The following MEOX2 variants were observed in gnomAD, a reference collection of about 807,000 sequenced individuals.
MEOX2 encodes the protein mesenchyme homeobox 2, also known as homeobox protein MOX-2.
MEOX2 carries 11 observed loss-of-function variants against 27.0 expected under a neutral mutation model. That is an observed-to-expected ratio of 0.41 (90% CI 0.26 to 0.68). The LOEUF (loss-of-function observed/expected upper bound fraction) is 0.68, where lower values mean the gene tolerates loss of function less well. MEOX2 is among the 30% of genes least tolerant of loss of function. MEOX2 has a pLI of 0.33. For synonymous variants in MEOX2, 189 were observed against 155.4 expected, an observed-to-expected ratio of 1.22 and a Z score of -1.61; for missense variants, 436 against 385.4, an observed-to-expected ratio of 1.13 and a Z score of -1.10.
At chr7:15,653,884 C>T (rs1263412228) in intron 1 of MEOX2, among the ~76,000 whole-genome samples, 1 of 151,936 alleles carries the variant, frequency 6.6e-6, no homozygotes, top group Non-Finnish European at 1.5e-5. Flanking sequence ...TGTTCAAAAT[C>T]GTTTAGCTAT....
chr7:15,616,641 C>G (rs73298595), intron 2 of MEOX2, among the ~76,000 whole-genome samples: 7,651 of 151,678 alleles, frequency 0.05, 265 homozygotes, highest in African/African-American at 0.1. Flanking sequence ...ATCCAAATGC[C>G]TAAAATTTTA....
chr7:15,665,094 A>C (rs1781980129), intron 1 of MEOX2, among the ~76,000 whole-genome samples: 1 of 148,798 alleles, frequency 6.7e-6, no homozygotes, highest in African/African-American at 2.5e-5. Flanking sequence ...CAAAGCCTCT[A>C]CTTTTCTTAC....
intron 1 of MEOX2, among the ~76,000 whole-genome samples, chr7:15,643,113 T>A (rs1781588601): frequency 1.3e-5 from 2 of 152,146 alleles, no homozygotes; most frequent in Non-Finnish European, 2.9e-5. Flanking sequence ...CCAGTTGAGT[T>A]CCCTACAATC....
intron 1 of MEOX2, among the ~76,000 whole-genome samples, chr7:15,656,487 G>C (rs1781823792): frequency 6.7e-6 from 1 of 149,636 alleles, no homozygotes; most frequent in Admixed American, 6.7e-5. Context: ...TTAGAATACA[G>C]TTTTGATTTG....
intron 1 of MEOX2, chr7:15,677,720 G>C (rs1452989027): frequency 6.6e-6 from 1 of 152,024 alleles, no homozygotes; most frequent in Admixed American, 6.6e-5. Flanking sequence ...GACCCTGGGG[G>C]ATTCATCATT....
intron 1 of MEOX2, among the ~76,000 whole-genome samples, chr7:15,640,731 A>G (rs767310045): frequency 2.6e-5 from 4 of 152,132 alleles, no homozygotes; most frequent in African/African-American, 4.8e-5. Context: ...GGTTTTTATC[A>G]TGAAGGATGC....
In MEOX2 at chr7:15,686,433, A is replaced by T. The variant is rs758478965; in HGVS notation, c.-31T>A. On this transcript the variant is annotated 5_prime_UTR_variant, in exon 1 of 3. Transcript: ENST00000262041. ...GCAAGTTTCGGGTTCCAGGCAGAAG[A>T]CTTCACGGCGGTTCCAAAGGCCACC... 5.6e-5 allele frequency: 86 copies of T among 1,537,716 alleles called. No homozygotes were observed. The highest frequency in any genetic ancestry group is 6.8e-5 in the Non-Finnish European group (77 of 1,139,678).
At chr7:15,654,269 C>T (rs1781786067) in intron 1 of MEOX2, among the ~76,000 whole-genome samples, 1 of 151,824 alleles carries the variant, frequency 6.6e-6, no homozygotes, top group African/African-American at 2.4e-5. Context: ...CACTACTTTT[C>T]TGTACTCACA....
Position 15,685,941 on chromosome 7 carries a change from C to T in MEOX2, c.462G>A (p.Leu154=). 6.2e-7 allele frequency: 1 copy of T among 1,611,514 alleles called. No individual in the cohort carries two copies. Among genetic ancestry groups the T allele is most frequent in the Non-Finnish European group, 8.5e-7 (1 of 1,179,426 alleles). ...TTCGCTTCTCCGCCTCCGCAGGTGA[C>T]AGTGCCTGGCGGCCGTAGTCCCCCG... The part of the protein sequence containing the change: ...CAPGDYGRQA[L]SPAEAEKRSG... Residue 154 remains leucine (L), a synonymous_variant, in exon 1 of 3, where the codon CTG becomes CTA. Coordinates refer to ENST00000262041, the MANE Select transcript of MEOX2 (RefSeq NM_005924.5).
At chr7:15,635,607 G>T (rs1781468797) in intron 1 of MEOX2, among the ~76,000 whole-genome samples, 1 of 151,842 alleles carries the variant, frequency 6.6e-6, no homozygotes, top group African/African-American at 2.4e-5. Flanking sequence ...AGAGGACTGT[G>T]GTCCAAGGCC....
At chr7:15,639,967 C>G (rs1781534931) in intron 1 of MEOX2, among the ~76,000 whole-genome samples, 1 of 151,936 alleles carries the variant, frequency 6.6e-6, no homozygotes, top group Non-Finnish European at 1.5e-5. Flanking sequence ...TATTTGAGCT[C>G]TCTTTTTTGG....
intron 1 of MEOX2, among the ~76,000 whole-genome samples, chr7:15,666,764 AAAAAAAAAAAAAAAAAT>A (rs1427990633): frequency 7.8e-5 from 6 of 76,884 alleles, no homozygotes; most frequent in South Asian, 4.3e-4. Context: ...AAAAAAAAAA[AAAAAAAAAAAAAAAAAT>A]ATATATATAT....
chr7:15,648,264 A>T (rs979530698), intron 1 of MEOX2, among the ~76,000 whole-genome samples: 1 of 152,154 alleles, frequency 6.6e-6, no homozygotes, highest in Non-Finnish European at 1.5e-5. Flanking sequence ...AAAGAAGTAA[A>T]ACTGAATGAG....
intron 1 of MEOX2, among the ~76,000 whole-genome samples, chr7:15,652,198 G>C (rs1781742404): frequency 6.6e-6 from 1 of 151,940 alleles, no homozygotes; most frequent in Non-Finnish European, 1.5e-5. Context: ...TGCTTTTACT[G>C]TTCAAAAGAA....
At position 15,686,310 on chromosome 7, in the gene MEOX2, T is replaced by C; in HGVS notation, c.93A>G (p.Gly31=). 6.2e-7 allele frequency: 1 copy of C among 1,609,928 alleles called. No homozygotes were observed. The highest frequency in any genetic ancestry group is 8.5e-7 in the Non-Finnish European group (1 of 1,177,962). The change falls in exon 1 of 3, where the codon GGA becomes GGG. Residue 31 remains glycine (G), a synonymous_variant. Transcript: ENST00000262041. Reference sequence around the variant, plus strand: ...CGGGGTAAGACATATGGTCAGATCTTCCATGGAGGGCGAGAGAGGATTGGG... The same window carrying C: ...CGGGGTAAGACATATGGTCAGATCTCCCATGGAGGGCGAGAGAGGATTGGG... ...PFSQSSLALH[G]RSDHMSYPEL...
At chr7:15,625,256 A>AC (rs1781284706) in intron 2 of MEOX2, among the ~76,000 whole-genome samples, 1 of 152,210 alleles carries the variant, frequency 6.6e-6, no homozygotes, top group Admixed American at 6.6e-5. Context: ...TGTTTAAAAA[A>AC]AATAATAAAA....
At chr7:15,649,738 A>G (rs1306158971) in intron 1 of MEOX2, among the ~76,000 whole-genome samples, 2 of 151,996 alleles carry the variant, frequency 1.3e-5, no homozygotes, top group African/African-American at 4.8e-5. Flanking sequence ...GAGCAGAAAA[A>G]CTGTTCTGTG....
chr7:15,671,244 G>A (rs1782091226), intron 1 of MEOX2, among the ~76,000 whole-genome samples: 1 of 152,026 alleles, frequency 6.6e-6, no homozygotes, highest in African/African-American at 2.4e-5. Context: ...AGAATTACTA[G>A]TCAGAAAAAA....
intron 2 of MEOX2, among the ~76,000 whole-genome samples, chr7:15,622,252 T>C (rs1781232903): frequency 1.3e-5 from 2 of 152,200 alleles, no homozygotes; most frequent in Non-Finnish European, 2.9e-5. Context: ...TATATTTATA[T>C]GCATACACAT....
Sources: gnomAD v4.1 joint callset for allele counts (sites outside exome capture counted in the v4.1 genomes callset) on GRCh38, gnomAD v4.1.1 for gene constraint, MANE v1.5 for transcripts, NCBI Gene and HGNC (gene_info 2026-07-23, HGNC 2026-07-21) for gene names.